The following CYFIP1 variants were observed in gnomAD, a reference collection of about 807,000 sequenced individuals.
CYFIP1 encodes the protein cytoplasmic FMR1 interacting protein 1.
Under a neutral mutation model 163.5 loss-of-function variants are expected in CYFIP1, and 58 were observed. That is an observed-to-expected ratio of 0.35 (90% CI 0.29 to 0.44). The LOEUF (loss-of-function observed/expected upper bound fraction) is 0.44, where lower values mean the gene tolerates loss of function less well. Ranked by LOEUF, CYFIP1 falls within the 20% of genes least tolerant of loss-of-function variation. CYFIP1 has a pLI of 1.00. For missense variants in CYFIP1, 1,338 were observed against 1,653.8 expected (o/e 0.81, Z 3.31); for synonymous variants, 663 against 660.7 (o/e 1.00, Z -0.05).
rs539803311 is a variant in CYFIP1, at chr15:22,884,183, G to A, written c.2677-1172C>T. On this transcript the variant is annotated intron_variant, in intron 23 of 30. Transcript: ENST00000617928. The stretch of plus-strand genomic sequence containing the variant: ...CTGGCCCCTCCCAAATCTCAATCAT[G>A]CTTTCCCAACAGTGCCCCAAAGTCT... Among the ~76,000 whole-genome samples, 87 of 152,246 alleles carry A rather than the reference G, an allele frequency of 5.7e-4. 1 individual carries two copies. The highest frequency in any genetic ancestry group is 2.0e-3 in the African/African-American group (83 of 41,526).
In CYFIP1 at chr15:22,882,946, A is replaced by T; in HGVS notation, c.2742T>A (p.Phe914Leu). ...SYRNFVGPPH[F>L]QVICRLLGYQ... ...AGCCGAGAAGCCGGCAGATGACTTG[A>T]AAGTGTGGAGGTCCCACGAAGTTCC... is the stretch of plus-strand genomic sequence containing the variant. Residue 914 changes from phenylalanine to leucine, a missense_variant, in exon 24 of 31, where the codon TTT becomes TTA. Phe to Leu is a conservative substitution (Grantham distance 22, BLOSUM62 0). Transcript: ENST00000617928. 1.2e-6 allele frequency: 2 copies of T among 1,614,098 alleles called. No individual in the cohort carries two copies. Among genetic ancestry groups the T allele is most frequent in the Non-Finnish European group, 1.7e-6 (2 of 1,179,972 alleles).
At chr15:22,958,301 G>C (rs1388472605) in intron 1 of CYFIP1, among the ~76,000 whole-genome samples, 3 of 151,992 alleles carry the variant, frequency 2.0e-5, no homozygotes, top group Non-Finnish European at 4.4e-5. Context: ...GGTCAGGCTG[G>C]TTTTGAACTC....
chr15:22,934,006 G>A, intron 9 of CYFIP1, 113 bp from the exon 10 acceptor site: 1 of 656,584 alleles, frequency 1.5e-6, no homozygotes, highest in African/African-American at 1.8e-5. Context: ...TGCTACCTCT[G>A]CAAATGATTC....
intron 16 of CYFIP1, 22 bp downstream of exon 16, chr15:22,916,455 G>T (rs970089113): frequency 6.5e-7 from 1 of 1,538,242 alleles, no homozygotes; most frequent in Non-Finnish European, 9.0e-7. Flanking sequence ...CAGGCCGGAT[G>T]CTGCTCAGCA....
intron 1 of CYFIP1, 99 bp from the exon 2 acceptor site, chr15:22,947,390 C>T (rs993061475): frequency 2.7e-6 from 4 of 1,502,896 alleles, no homozygotes; most frequent in Admixed American, 3.8e-5. Flanking sequence ...CCTTCCCGCT[C>T]TCCCGAGGGC....
chr15:22,969,351 T>C lies in CYFIP1; in HGVS notation c.-7+10936A>G, dbSNP rs76934049. On this transcript the variant is annotated intron_variant, in intron 1 of 30. Coordinates refer to ENST00000617928, the MANE Select transcript of CYFIP1 (RefSeq NM_014608.6). Reference sequence around the variant, plus strand: ...GAAGGAAATGCAGTCGTAATAAAGTTGGAGGGGGAGCGACCAGGAAAACAA... The same window carrying C: ...GAAGGAAATGCAGTCGTAATAAAGTCGGAGGGGGAGCGACCAGGAAAACAA... 4.3e-3 allele frequency among the ~76,000 whole-genome samples: 662 copies of C among 152,200 alleles called. 6 individuals carry two copies. The highest frequency in any genetic ancestry group is 0.015 in the African/African-American group (626 of 41,528).
chr15:22,976,590 A>C (rs2063290941), intron 1 of CYFIP1, among the ~76,000 whole-genome samples: 1 of 152,246 alleles, frequency 6.6e-6, no homozygotes, highest in South Asian at 2.1e-4. Context: ...GAGTGCATAC[A>C]AAAAGATATT....
At chr15:22,932,186 C>A in intron 11 of CYFIP1, 37 bp downstream of exon 11, 1 of 1,506,028 alleles carries the variant, frequency 6.6e-7, no homozygotes, top group South Asian at 1.2e-5. Context: ...ACAGGCGACC[C>A]TCGGGTGCCT....
At position 22,867,154 on chromosome 15, in the gene CYFIP1, T is replaced by C; in HGVS notation, c.*2874A>G. The C allele has an allele frequency of 2.2e-6, 1 of 447,480 alleles. No homozygotes were observed. Among genetic ancestry groups the C allele is most frequent in the Non-Finnish European group, 3.9e-6 (1 of 256,040 alleles). 27.7% of individuals were successfully genotyped at this position (447,480 alleles called of 1,614,324 possible). On this transcript the variant is annotated 3_prime_UTR_variant, in exon 31 of 31. Coordinates refer to ENST00000617928, the MANE Select transcript of CYFIP1 (RefSeq NM_014608.6). Reference sequence around the variant, plus strand: ...GTTTTAAGTCTATGAAAATGCTTTATTTTTTCATTGGTGATGAAAGTCTGA... The same window carrying C: ...GTTTTAAGTCTATGAAAATGCTTTACTTTTTCATTGGTGATGAAAGTCTGA...
intron 21 of CYFIP1, among the ~76,000 whole-genome samples, chr15:22,906,247 C>T (rs1356410383): frequency 6.6e-6 from 1 of 151,440 alleles, no homozygotes; most frequent in African/African-American, 2.4e-5. Flanking sequence ...GCTGAGATTA[C>T]AGGCATGTGC....
chr15:22,926,178 C>T (rs966830926), intron 12 of CYFIP1, 71 bp from the exon 13 acceptor site: 7 of 1,595,488 alleles, frequency 4.4e-6, no homozygotes, highest in Admixed American at 1.7e-5. Flanking sequence ...CTGACTCACA[C>T]GATGGTGGCC....
rs2059500947 is a variant in CYFIP1 at position 22,873,719 on chromosome 15, A to G, written c.3221T>C (p.Ile1074Thr). 1 of 1,611,950 alleles carries G rather than the reference A, an allele frequency of 6.2e-7. No individual in the cohort carries two copies. The highest frequency in any genetic ancestry group is 1.1e-5 in the South Asian group (1 of 90,976). The part of the protein sequence containing the change: ...ERLGTPQQIA[I>T]AREGDLLTKE... ...TGTCAGCAGGTCCCCCTCTCTTGCGATGGCAATTTGCTGCAGAAAGGACAA... is the reference window on the plus strand; with the variant it reads ...TGTCAGCAGGTCCCCCTCTCTTGCGGTGGCAATTTGCTGCAGAAAGGACAA... The change falls in exon 29 of 31, where the codon ATC becomes ACC. Residue 1074 changes from isoleucine (I) to threonine (T), a missense_variant. Ile to Thr is a moderately conservative substitution (Grantham distance 89). Coordinates refer to ENST00000617928, the MANE Select transcript of CYFIP1 (RefSeq NM_014608.6).
chr15:22,918,982 C>G, intron 13 of CYFIP1, 124 bp from the exon 14 acceptor site: 1 of 711,830 alleles, frequency 1.4e-6, no homozygotes, highest in Non-Finnish European at 2.3e-6. Context: ...GCGTTCGTGC[C>G]CTGCAGCTGC....
rs987629575 is a variant in CYFIP1, at chr15:22,917,709, C to T, written c.1674+79G>A. 4 of 1,479,802 alleles carry T rather than the reference C, an allele frequency of 2.7e-6. No individual in the cohort carries two copies. Among genetic ancestry groups the T allele is most frequent in the Non-Finnish European group, 3.6e-6 (4 of 1,113,366 alleles). 91.7% of individuals were successfully genotyped at this position (1,479,802 alleles called of 1,614,324 possible). On this transcript the variant is annotated intron_variant, in intron 15 of 30. Transcript: ENST00000617928. The surrounding 1 kb of genome is among the most constrained non-coding windows in gnomAD (Gnocchi z 4.2). The stretch of plus-strand genomic sequence containing the variant: ...AGCGAGGACCTCATTTAACCCGGGC[C>T]TCACCAGCCCCACCCGCTCACAGCT...
chr15:22,949,887 G>A (rs1042813216), intron 1 of CYFIP1, among the ~76,000 whole-genome samples: 1 of 151,590 alleles, frequency 6.6e-6, no homozygotes, highest in African/African-American at 2.4e-5. Flanking sequence ...CCAGCTACTT[G>A]GGAGGCTGAG....
Position 22,924,199 on chromosome 15 carries a change from G to A in CYFIP1, c.1359+1783C>T, listed in dbSNP as rs375447850. On this transcript the variant is annotated intron_variant, in intron 13 of 30. Coordinates refer to ENST00000617928, the MANE Select transcript of CYFIP1 (RefSeq NM_014608.6). ...GGCACTTTGGAAGCCCAAGGCAGGC[G>A]GATTACCTGAGGTCAGGAGTTTGAG... Among the ~76,000 whole-genome samples, 15 of 152,162 alleles carry A rather than the reference G, an allele frequency of 9.9e-5. 1 individual carries two copies. Among genetic ancestry groups the A allele is most frequent in the Admixed American group, 6.5e-5 (1 of 15,282 alleles).
intron 1 of CYFIP1, among the ~76,000 whole-genome samples, chr15:22,956,185 C>T (rs1033826214): frequency 2.0e-5 from 3 of 151,884 alleles, no homozygotes; most frequent in East Asian, 1.9e-4. Flanking sequence ...CCAGCCTGGG[C>T]GACAGAGTGA....
chr15:22,878,533 C>T (rs1183813859), intron 26 of CYFIP1, among the ~76,000 whole-genome samples: 1 of 151,962 alleles, frequency 6.6e-6, no homozygotes, highest in African/African-American at 2.4e-5. Flanking sequence ...CAAAGACCAA[C>T]TCCAGAAGGA....
In CYFIP1 at chr15:22,867,408, T is replaced by G; in HGVS notation, c.*2620A>C. The G allele has an allele frequency of 2.6e-6, 1 of 381,660 alleles. No homozygotes were observed. Among genetic ancestry groups the G allele is most frequent in the Middle Eastern group, 6.7e-4 (1 of 1,500 alleles). 23.6% of individuals were successfully genotyped at this position (381,660 alleles called of 1,614,324 possible). On this transcript the variant is annotated 3_prime_UTR_variant, in exon 31 of 31. Coordinates refer to ENST00000617928, the MANE Select transcript of CYFIP1 (RefSeq NM_014608.6). ...TACAAAACAAAAAAAAGGGCAGAAA[T>G]CACCCCAAGGAACGATTTCTCAGGT...
Sources: allele counts gnomAD v4.1 joint callset (sites outside exome capture counted in the v4.1 genomes callset), GRCh38; gene constraint gnomAD v4.1.1; non-coding constraint Gnocchi (gnomAD v3.1); transcripts MANE v1.5; gene names NCBI Gene and HGNC (gene_info 2026-07-23, HGNC 2026-07-21).